The following MARCHF8 variants were observed in gnomAD, a reference collection of about 807,000 sequenced individuals.
MARCHF8 encodes E3 ubiquitin-protein ligase MARCHF8.
MARCHF8 carries 40 observed loss-of-function variants against 51.6 expected under a neutral mutation model. The observed-to-expected ratio is 0.77, with a 90% CI of 0.60 to 1.01. MARCHF8 has a LOEUF of 1.01. MARCHF8 is among the 50% of genes least tolerant of loss of function. The probability of loss-of-function intolerance (pLI) is 0.00; values close to 1 mark genes in which losing one functional copy is unlikely to be tolerated. For missense variants in MARCHF8, 685 were observed against 708.6 expected, an observed-to-expected ratio of 0.97 and a Z score of 0.38; for synonymous variants, 263 against 280.3, an observed-to-expected ratio of 0.94 and a Z score of 0.62.
intron 3 of MARCHF8, among the ~76,000 whole-genome samples, chr10:45,469,617 G>A (rs1843090679): frequency 1.3e-5 from 2 of 152,112 alleles, no homozygotes; most frequent in African/African-American, 2.4e-5. Context: ...TGTAATCCCA[G>A]CACTTTGGGG....
intron 1 of MARCHF8, among the ~76,000 whole-genome samples, chr10:45,556,942 G>GT (rs933813050): frequency 6.6e-6 from 1 of 151,926 alleles, no homozygotes; most frequent in South Asian, 2.1e-4. Flanking sequence ...AAAAATGGTT[G>GT]TTTTTTTCTT....
chr10:45,578,279 A>T (rs184120328), intron 1 of MARCHF8, among the ~76,000 whole-genome samples: 2 of 152,314 alleles, frequency 1.3e-5, no homozygotes, highest in East Asian at 3.9e-4. Flanking sequence ...TTGCACCAGA[A>T]AGTAAATAGG....
At chr10:45,467,301 T>C (rs1236450687) in intron 3 of MARCHF8, among the ~76,000 whole-genome samples, 1 of 152,218 alleles carries the variant, frequency 6.6e-6, no homozygotes, top group Non-Finnish European at 1.5e-5. Context: ...CTACTTATTG[T>C]TATTTTACAT....
At chr10:45,570,320 C>T (rs1462203377) in intron 1 of MARCHF8, among the ~76,000 whole-genome samples, 2 of 152,090 alleles carry the variant, frequency 1.3e-5, no homozygotes, top group African/African-American at 4.8e-5. Context: ...TATCATGATA[C>T]TGCAGTATTT....
At chr10:45,498,687 G>A (rs931391344) in intron 2 of MARCHF8, among the ~76,000 whole-genome samples, 1 of 152,164 alleles carries the variant, frequency 6.6e-6, no homozygotes, top group Admixed American at 6.6e-5. Context: ...TGTTGGCCAG[G>A]CTGGTCTCAA....
At chr10:45,473,551 C>A (rs1473379988) in intron 3 of MARCHF8, among the ~76,000 whole-genome samples, 1 of 152,188 alleles carries the variant, frequency 6.6e-6, no homozygotes, top group Admixed American at 6.5e-5. Flanking sequence ...GATAAAATAA[C>A]ATTGTGTCTA....
At chr10:45,482,756 A>C (rs2042910049) in intron 3 of MARCHF8, among the ~76,000 whole-genome samples, 1 of 151,728 alleles carries the variant, frequency 6.6e-6, no homozygotes, top group Admixed American at 6.6e-5. Context: ...CTCTATCTCA[A>C]AAAACAAACA....
chr10:45,457,961 C>G lies in MARCHF8; in HGVS notation c.*278G>C. 1 of 437,314 alleles carries G rather than the reference C, an allele frequency of 2.3e-6. No homozygotes were observed. Among genetic ancestry groups the G allele is most frequent in the Non-Finnish European group, 4.0e-6 (1 of 249,186 alleles). The allele number at this position is 437,314 out of a possible 1,614,324, so 27.1% of individuals were successfully genotyped here. ...TGGCATTTTATTCTCTCATTCAGCT[C>G]AAGACCATGGGCAGGAACTCTGCTG... On this transcript the variant is annotated 3_prime_UTR_variant, in exon 8 of 8. Coordinates refer to ENST00000453424, the MANE Select transcript of MARCHF8 (RefSeq NM_001282866.2).
At chr10:45,537,524 A>T (rs1312616554), upstream of MARCHF8, among the ~76,000 whole-genome samples, 1 of 151,956 alleles carries the variant, frequency 6.6e-6, no homozygotes, top group Admixed American at 6.6e-5. Flanking sequence ...GTGGTGGCTC[A>T]TGCCTGTGGT....
intron 3 of MARCHF8, among the ~76,000 whole-genome samples, chr10:45,470,839 C>A (rs960358149): frequency 7.2e-5 from 11 of 152,170 alleles, no homozygotes; most frequent in African/African-American, 2.7e-4. Context: ...TACATCTTGA[C>A]AAACTTTCTG....
rs1842653657 is a variant in MARCHF8 at position 45,457,894 on chromosome 10, A to T, written c.*345T>A. 4.2e-6 allele frequency: 1 copy of T among 237,324 alleles called. No homozygotes were observed. The highest frequency in any genetic ancestry group is 2.3e-5 in the African/African-American group (1 of 44,064). 14.7% of individuals were successfully genotyped at this position (237,324 alleles called of 1,614,324 possible). A position where few individuals can be genotyped will look rare whatever the true frequency, so the allele number is the denominator to read the frequency against. The stretch of plus-strand genomic sequence containing the variant: ...CACTGCAAGCTGGAGGCGGCTGGGT[A>T]TCAGGGCCTGGGCACCCCTGCTCCT... On this transcript the variant is annotated 3_prime_UTR_variant, in exon 8 of 8. Coordinates refer to ENST00000453424, the MANE Select transcript of MARCHF8 (RefSeq NM_001282866.2).
At chr10:45,498,550 A>G (rs1328132489) in intron 2 of MARCHF8, among the ~76,000 whole-genome samples, 1 of 151,544 alleles carries the variant, frequency 6.6e-6, no homozygotes, top group Non-Finnish European at 1.5e-5. Context: ...ATCTCGGCTC[A>G]CTGCAACCTC....
chr10:45,552,464 C>T (rs2044206813), intron 1 of MARCHF8, among the ~76,000 whole-genome samples: 1 of 151,954 alleles, frequency 6.6e-6, no homozygotes, highest in African/African-American at 2.4e-5. Context: ...TAACCCAAGA[C>T]CAAATTTAAA....
intron 1 of MARCHF8, among the ~76,000 whole-genome samples, chr10:45,579,396 A>C (rs566749934): frequency 1.5e-4 from 22 of 145,036 alleles, no homozygotes; most frequent in African/African-American, 5.6e-4. Context: ...GACAGACAAA[A>C]AGTCACTACC....
At chr10:45,500,763 A>G (rs566004188) in intron 2 of MARCHF8, among the ~76,000 whole-genome samples, 1 of 152,256 alleles carries the variant, frequency 6.6e-6, no homozygotes, top group Admixed American at 6.5e-5. Flanking sequence ...GCTTATGTAG[A>G]AAATCCTAAG....
chr10:45,503,659 G>A (rs1357101325), intron 2 of MARCHF8, among the ~76,000 whole-genome samples: 1 of 151,850 alleles, frequency 6.6e-6, no homozygotes, highest in Non-Finnish European at 1.5e-5. Context: ...TAAAATAAAG[G>A]AATGGGAAAA....
intron 1 of MARCHF8, among the ~76,000 whole-genome samples, chr10:45,593,797 A>C (rs555904109): frequency 4.2e-4 from 64 of 152,378 alleles, no homozygotes; most frequent in African/African-American, 1.3e-3. Context: ...ATTACATAGC[A>C]TGCAATCGAA....
At chr10:45,459,496 C>T (rs1297425472) in intron 6 of MARCHF8, among the ~76,000 whole-genome samples, 1 of 152,224 alleles carries the variant, frequency 6.6e-6, no homozygotes, top group African/African-American at 2.4e-5. Flanking sequence ...GAATGCAGAA[C>T]TACCATCAAA....
At chr10:45,521,742 A>G (rs1036919974) in intron 2 of MARCHF8, among the ~76,000 whole-genome samples, 2 of 152,230 alleles carry the variant, frequency 1.3e-5, no homozygotes, top group African/African-American at 4.8e-5. Context: ...ACTTTCGGCA[A>G]GCATAATCTT....
Sources: gnomAD v4.1 joint callset for allele counts (sites outside exome capture counted in the v4.1 genomes callset) on GRCh38, gnomAD v4.1.1 for gene constraint, MANE v1.5 for transcripts, NCBI Gene and HGNC (gene_info 2026-07-23, HGNC 2026-07-21) for gene names.